The following STAG1 variants were observed in gnomAD, a reference collection of about 807,000 sequenced individuals.
STAG1 encodes the protein STAG1 cohesin complex component, also known as cohesin subunit SA-1.
Under a neutral mutation model 170.9 loss-of-function variants are expected in STAG1, and 26 were observed. That is an observed-to-expected ratio of 0.15 (90% CI 0.11 to 0.21). The LOEUF is 0.21. Ranked by LOEUF, STAG1 falls within the 10% of genes least tolerant of loss-of-function variation. The pLI, the probability that STAG1 is intolerant of heterozygous loss-of-function variation, is 1.00. For synonymous variants in STAG1, 514 were observed against 497.7 expected, an observed-to-expected ratio of 1.03 and a Z score of -0.44; for missense variants, 964 against 1,509.5, an observed-to-expected ratio of 0.64 and a Z score of 5.99.
chr3:136,727,900 G>A (rs917945802), intron 1 of STAG1, among the ~76,000 whole-genome samples: 2 of 152,160 alleles, frequency 1.3e-5, no homozygotes, highest in African/African-American at 4.8e-5. Context: ...GCTCATGCCT[G>A]TAATCCTAGC....
At chr3:136,418,010 T>C in intron 20 of STAG1, 38 bp from the exon 21 acceptor site, 1 of 1,486,788 alleles carries the variant, frequency 6.7e-7, no homozygotes, top group South Asian at 1.1e-5. Flanking sequence ...TATTCTAGAA[T>C]GGAAGGAAAT....
chr3:136,368,685 C>T (rs1429654430), intron 24 of STAG1, among the ~76,000 whole-genome samples: 1 of 152,042 alleles, frequency 6.6e-6, no homozygotes, highest in African/African-American at 2.4e-5. Flanking sequence ...TATGCTATAT[C>T]TACATAAAGA....
intron 4 of STAG1, among the ~76,000 whole-genome samples, chr3:136,592,285 G>C (rs1938223635): frequency 6.6e-6 from 1 of 152,098 alleles, no homozygotes; most frequent in Admixed American, 6.5e-5. Context: ...ATTGAATCAT[G>C]GGGGTGGTAT....
At chr3:136,620,781 T>A (rs569392095) in intron 3 of STAG1, among the ~76,000 whole-genome samples, 2 of 152,356 alleles carry the variant, frequency 1.3e-5, no homozygotes, top group Admixed American at 1.3e-4. Flanking sequence ...TACTTTCTTA[T>A]ACTGGTTGAC....
chr3:136,413,944 A>G (rs1338258396), intron 21 of STAG1, among the ~76,000 whole-genome samples: 2 of 152,248 alleles, frequency 1.3e-5, no homozygotes, highest in African/African-American at 4.8e-5. Flanking sequence ...TTGGTTTCGC[A>G]GTGCATATAA....
chr3:136,491,155 T>C (rs1054085416), intron 9 of STAG1, among the ~76,000 whole-genome samples: 2 of 152,170 alleles, frequency 1.3e-5, no homozygotes, highest in Non-Finnish European at 2.9e-5. Context: ...TCTTGCTCTG[T>C]CGTTCAGGCT....
intron 4 of STAG1, among the ~76,000 whole-genome samples, chr3:136,574,485 T>C (rs551648797): frequency 6.6e-6 from 1 of 152,150 alleles, no homozygotes; most frequent in African/African-American, 2.4e-5. Context: ...TATATACATA[T>C]ACACACATAT....
At chr3:136,459,662 G>C (rs950234882) in intron 13 of STAG1, among the ~76,000 whole-genome samples, 1 of 152,160 alleles carries the variant, frequency 6.6e-6, no homozygotes, top group African/African-American at 2.4e-5. Flanking sequence ...TGCATATTGA[G>C]TATCTTTTTT....
At chr3:136,358,391 T>C (rs985994511) in intron 27 of STAG1, among the ~76,000 whole-genome samples, 1 of 152,016 alleles carries the variant, frequency 6.6e-6, no homozygotes, top group Non-Finnish European at 1.5e-5. Flanking sequence ...TGGCCCACTA[T>C]GTGTAGTTTT....
intron 2 of STAG1, among the ~76,000 whole-genome samples, chr3:136,628,715 T>C (rs1940209233): frequency 6.6e-6 from 1 of 152,240 alleles, no homozygotes; most frequent in East Asian, 1.9e-4. Context: ...TTTGTGATTA[T>C]TTGATTTATA....
chr3:136,422,352 T>C, intron 19 of STAG1, 58 bp downstream of exon 19: 1 of 1,474,884 alleles, frequency 6.8e-7, no homozygotes, highest in Non-Finnish European at 9.4e-7. Flanking sequence ...CACACTCAGC[T>C]ATCTTAAGTA....
intron 21 of STAG1, among the ~76,000 whole-genome samples, chr3:136,412,559 G>T (rs1344687872): frequency 6.6e-6 from 1 of 152,178 alleles, no homozygotes; most frequent in Admixed American, 6.5e-5. Flanking sequence ...TATGAATAAT[G>T]AACAAACTGA....
intron 1 of STAG1, among the ~76,000 whole-genome samples, chr3:136,730,756 A>G (rs929457836): frequency 1.3e-5 from 2 of 152,200 alleles, no homozygotes. Flanking sequence ...TTCCTTTGGC[A>G]CTTCACTCTG....
chr3:136,458,481 G>A (rs1281825549), intron 13 of STAG1, among the ~76,000 whole-genome samples: 2 of 152,042 alleles, frequency 1.3e-5, no homozygotes, highest in African/African-American at 4.8e-5. Context: ...TTAACTACAA[G>A]ATATTTTTTA....
intron 26 of STAG1, among the ~76,000 whole-genome samples, chr3:136,363,097 T>C (rs1314833097): frequency 6.6e-6 from 1 of 152,184 alleles, no homozygotes; most frequent in African/African-American, 2.4e-5. Context: ...ATTACTACTT[T>C]TTAAATTTCC....
chr3:136,343,795 A>C, intron 30 of STAG1, 37 bp downstream of exon 30: 1 of 1,475,186 alleles, frequency 6.8e-7, no homozygotes, highest in East Asian at 2.4e-5. Context: ...CTTTCTTTAA[A>C]GGCTTTTTGT....
chr3:136,704,531 C>A (rs1002269638), intron 1 of STAG1, among the ~76,000 whole-genome samples: 2 of 151,594 alleles, frequency 1.3e-5, no homozygotes, highest in African/African-American at 4.8e-5. Context: ...AAAGTTGTTA[C>A]AAAAGACAAA....
In STAG1 at chr3:136,650,209, C is replaced by A. The variant is rs143685088; in HGVS notation, c.-83-19228G>T. ...TATGGTTGCGCAACTGTACTCCAGC[C>A]TGGGTGACAAAGTGAGACCCTGTCA... is the stretch of plus-strand genomic sequence containing the variant. On this transcript the variant is annotated intron_variant, in intron 1 of 33. Transcript: ENST00000383202. 5.7e-3 allele frequency among the ~76,000 whole-genome samples: 856 copies of A among 148,970 alleles called. 7 individuals carry two copies. Among genetic ancestry groups the A allele is most frequent in the African/African-American group, 0.02 (799 of 40,466 alleles).
intron 6 of STAG1, among the ~76,000 whole-genome samples, chr3:136,539,606 T>C (rs942070308): frequency 1.3e-5 from 2 of 152,126 alleles, no homozygotes; most frequent in Non-Finnish European, 2.9e-5. Flanking sequence ...ATTCCAAAAA[T>C]GTGGGGAAGA....
Sources: allele counts gnomAD v4.1 joint callset (sites outside exome capture counted in the v4.1 genomes callset), GRCh38; gene constraint gnomAD v4.1.1; transcripts MANE v1.5; gene names NCBI Gene and HGNC (gene_info 2026-07-23, HGNC 2026-07-21).